Variants in IGSF9B observed in about 807,000 individuals in gnomAD.
The protein encoded by IGSF9B is protein turtle homolog B.
Under a neutral mutation model 143.7 loss-of-function variants are expected in IGSF9B, and 48 were observed. That is an observed-to-expected ratio of 0.33 (90% CI 0.26 to 0.42). The LOEUF (loss-of-function observed/expected upper bound fraction) is 0.42, where lower values mean the gene tolerates loss of function less well. Ranked by LOEUF, IGSF9B falls within the 20% of genes least tolerant of loss-of-function variation. The probability of loss-of-function intolerance (pLI) is 1.00; values close to 1 mark genes in which losing one functional copy is unlikely to be tolerated. For synonymous variants in IGSF9B, 903 were observed against 833.1 expected (o/e 1.08, Z -1.44); for missense variants, 1,706 against 1,980.0 (o/e 0.86, Z 2.63).
intron 1 of IGSF9B, among the ~76,000 whole-genome samples, chr11:133,952,633 C>A (rs374911111): frequency 2.0e-5 from 3 of 150,978 alleles, no homozygotes; most frequent in African/African-American, 5.0e-5. Flanking sequence ...TGCATGCACA[C>A]GTATGGGCAC....
intron 7 of IGSF9B, among the ~76,000 whole-genome samples, chr11:133,933,492 T>C (rs1939770444): frequency 6.6e-6 from 1 of 152,198 alleles, no homozygotes; most frequent in Non-Finnish European, 1.5e-5. Context: ...ACACCTGTAA[T>C]CTCAACACTT....
intron 18 of IGSF9B, among the ~76,000 whole-genome samples, chr11:133,918,454 CACGAT>C (rs939872711): frequency 1.2e-4 from 18 of 152,100 alleles, no homozygotes; most frequent in African/African-American, 4.3e-4. Flanking sequence ...GAGACCCAGA[CACGAT>C]GGAAGGAAGC....
At position 133,945,294 on chromosome 11, in the gene IGSF9B, A is replaced by G. The variant is rs186849242; in HGVS notation, c.262+767T>C. On this transcript the variant is annotated intron_variant, in intron 2 of 19. Transcript: ENST00000533871. This position sits in a 1 kb window ranked among gnomAD's most constrained non-coding sequence, Gnocchi z 4.6. Reference sequence around the variant, plus strand: ...GACTCTCAAAGCCAACCCTGGCCAAAAAGAGAGCATGAGACATGGGCACAG... The same window carrying G: ...GACTCTCAAAGCCAACCCTGGCCAAGAAGAGAGCATGAGACATGGGCACAG... Among the ~76,000 whole-genome samples the G allele has an allele frequency of 1.9e-4, 29 of 152,330 alleles. 1 individual carries two copies. Among genetic ancestry groups the G allele is most frequent in the Admixed American group, 1.8e-3 (27 of 15,306 alleles).
At position 133,948,081 on chromosome 11, in the gene IGSF9B, GTGTGTGTGTC is replaced by G. The variant is rs1203063224; in HGVS notation, c.65-1833_65-1824del. Among the ~76,000 whole-genome samples the G allele has an allele frequency of 3.7e-5, 4 of 108,058 alleles. No individual in the cohort carries two copies. The highest frequency in any genetic ancestry group is 9.5e-5 in the Admixed American group (1 of 10,554). 70.9% of individuals were successfully genotyped at this position (108,058 alleles called of 152,430 possible). ...CGTGTGTGTGTGTGTGTGTGTGTGT[GTGTGTGTGTC>G]TGTGTGTGTTTCGGTTGGCTCATGC... On this transcript the variant is annotated intron_variant, in intron 1 of 19. Coordinates refer to ENST00000533871, the MANE Select transcript of IGSF9B (RefSeq NM_001277285.4). This position sits in a 1 kb window ranked among gnomAD's most constrained non-coding sequence, Gnocchi z 4.7.
In IGSF9B at chr11:133,931,703, G is replaced by A. The variant is rs779393086; in HGVS notation, c.1203C>T (p.Asn401=). ...ALGTYTCVPY[N]TLGTMGQSAP... ...CAGACTGGCCCATGGTCCCCAGAGT[G>A]TTGTAAGGCACACAGGTATAAGTGC... The change falls in exon 9 of 20, where the codon AAC becomes AAT. Residue 401 remains asparagine, a synonymous_variant. Coordinates refer to ENST00000533871, the MANE Select transcript of IGSF9B (RefSeq NM_001277285.4). The surrounding 1 kb of genome is among the most constrained non-coding windows in gnomAD (Gnocchi z 7.7). 1 of 1,612,486 alleles carries A rather than the reference G, an allele frequency of 6.2e-7. No homozygotes were observed. Among genetic ancestry groups the A allele is most frequent in the South Asian group, 1.1e-5 (1 of 90,954 alleles).
At position 133,932,052 on chromosome 11, in the gene IGSF9B, A is replaced by G; in HGVS notation, c.1110+19T>C. 2 of 1,601,080 alleles carry G rather than the reference A, an allele frequency of 1.2e-6. No individual in the cohort carries two copies. Among genetic ancestry groups the G allele is most frequent in the Non-Finnish European group, 1.7e-6 (2 of 1,170,976 alleles). On this transcript the variant is annotated intron_variant, in intron 8 of 19. Transcript: ENST00000533871. ...GGGGGAGCCCTCACTCCAACCCTCA[A>G]CATGCATCTCTCTAGCACCTTCTCA...
At position 133,896,852 on chromosome 11, in the gene IGSF9B, A is replaced by C. The variant is rs1267140524; in HGVS notation, c.*12217T>G. 5 of 152,374 alleles carry C rather than the reference A, an allele frequency of 3.3e-5. No individual in the cohort carries two copies. Among genetic ancestry groups the C allele is most frequent in the African/African-American group, 1.2e-4 (5 of 41,452 alleles). The allele number at this position is 152,374 out of a possible 1,614,324, so 9.4% of individuals were successfully genotyped here. On this transcript the variant is annotated 3_prime_UTR_variant, in exon 20 of 20. Coordinates refer to ENST00000533871, the MANE Select transcript of IGSF9B (RefSeq NM_001277285.4). ...GATCACCATCATCAGCAGCCAGGGC[A>C]GGCGTCTATTGCTTAGGGCCGTAGA...
At chr11:133,947,188 G>T (rs1312926381) in intron 1 of IGSF9B, among the ~76,000 whole-genome samples, 3 of 152,164 alleles carry the variant, frequency 2.0e-5, no homozygotes, top group Non-Finnish European at 4.4e-5. Context: ...CAGAGAGGAA[G>T]AGCCACGCAC....
rs1012791274 is a variant in IGSF9B at position 133,913,329 on chromosome 11, A to G, written c.3984-1322T>C. Among the ~76,000 whole-genome samples the G allele has an allele frequency of 2.6e-5, 4 of 152,198 alleles. No individual in the cohort carries two copies. Among genetic ancestry groups the G allele is most frequent in the Non-Finnish European group, 5.9e-5 (4 of 68,032 alleles). ...GGTCAGCAAGCGGTCTGAGGTTAAA[A>G]AAAAAAATGTTAAGAGGGATAGGAA... On this transcript the variant is annotated intron_variant, in intron 18 of 19. Transcript: ENST00000533871. The surrounding 1 kb of genome is among the most constrained non-coding windows in gnomAD (Gnocchi z 4.6).
In IGSF9B at chr11:133,901,859, C is replaced by T. The variant is rs899271474; in HGVS notation, c.*7210G>A. ...ACACACACACCACACACGCACCACA[C>T]ACGCACCACACACGCACCACACACA... On this transcript the variant is annotated 3_prime_UTR_variant, in exon 20 of 20. Transcript: ENST00000533871. Among the ~76,000 whole-genome samples the T allele has an allele frequency of 1.6e-4, 23 of 146,336 alleles. No individual in the cohort carries two copies. Among genetic ancestry groups the T allele is most frequent in the African/African-American group, 5.8e-4 (23 of 39,426 alleles).
Position 133,920,497 on chromosome 11 carries a change from G to A in IGSF9B, c.3228C>T (p.Leu1076=). The A allele has an allele frequency of 6.3e-7, 1 of 1,584,930 alleles. No homozygotes were observed. Among genetic ancestry groups the A allele is most frequent in the Non-Finnish European group, 8.6e-7 (1 of 1,164,746 alleles). The stretch of plus-strand genomic sequence containing the variant: ...GGGAGGTGGGGGGCAGTCCTCGGGG[G>A]AGGCCGGCCTTGGGCTGCAGACTCT... ...VPESLQPKAG[L]PRGLPPTSLQ... The change falls in exon 18 of 20, where the codon CTC becomes CTT. Residue 1076 remains leucine, a synonymous_variant. Transcript: ENST00000533871.
chr11:133,944,966 G>A (rs564931028), intron 2 of IGSF9B, among the ~76,000 whole-genome samples: 10 of 152,246 alleles, frequency 6.6e-5, no homozygotes, highest in African/African-American at 2.4e-4. Context: ...AGTGACCCCA[G>A]GAGATGAGGG....
intron 1 of IGSF9B, among the ~76,000 whole-genome samples, chr11:133,951,177 C>T (rs1225783118): frequency 1.3e-5 from 2 of 152,120 alleles, no homozygotes; most frequent in East Asian, 1.9e-4. Flanking sequence ...GACGAGGCGG[C>T]GGGGGAGAGA....
Position 133,921,037 on chromosome 11 carries a change from G to A in IGSF9B, c.2688C>T (p.Asn896=), listed in dbSNP as rs749283493. 38 of 1,613,592 alleles carry A rather than the reference G, an allele frequency of 2.4e-5. No individual in the cohort carries two copies. Among genetic ancestry groups the A allele is most frequent in the Middle Eastern group, 3.3e-4 (2 of 6,084 alleles). ...YPEFRQSDEE[N]EDPLVPTSVA... ...CAGATGTGGGCACCAGTGGGTCCTCGTTCTCCTCGTCCGACTGGCGGAACT... is the reference window on the plus strand; with the variant it reads ...CAGATGTGGGCACCAGTGGGTCCTCATTCTCCTCGTCCGACTGGCGGAACT... Residue 896 remains asparagine (N), a synonymous_variant, in exon 18 of 20, where the codon AAC becomes AAT. Transcript: ENST00000533871.
chr11:133,931,952 G>C lies in IGSF9B; in HGVS notation c.1110+119C>G, dbSNP rs371749348. 4.0e-6 allele frequency: 6 copies of C among 1,494,518 alleles called. No homozygotes were observed. In the South Asian group the frequency reaches 6.6e-5, roughly 16 times the overall value. 92.6% of individuals were successfully genotyped at this position (1,494,518 alleles called of 1,614,324 possible). Reference sequence around the variant, plus strand: ...CAGACCCCTACAGAAGCAGCTCTCTGTTTGCCCAGGGCTTTTGGAAGGGGC... The same window carrying C: ...CAGACCCCTACAGAAGCAGCTCTCTCTTTGCCCAGGGCTTTTGGAAGGGGC... On this transcript the variant is annotated intron_variant, in intron 8 of 19. Transcript: ENST00000533871. The surrounding 1 kb of genome is among the most constrained non-coding windows in gnomAD (Gnocchi z 7.7).
At chr11:133,923,745 C>T (rs966826200) in intron 15 of IGSF9B, among the ~76,000 whole-genome samples, 7 of 152,246 alleles carry the variant, frequency 4.6e-5, no homozygotes, top group African/African-American at 1.7e-4. Flanking sequence ...GCTGCTGCCT[C>T]CTCCTTCCCC....
rs1233430994 is a variant in IGSF9B, at chr11:133,919,813, C to A, written c.3912G>T (p.Thr1304=). ...CCTCCCCCGTCCTTCGAGGGGAAGG[C>A]GTCTGTCCAAACACGTCCAAGCTGT... ...PGDSLDVFGQ[T]PSPRRTGEEL... is the part of the protein sequence containing the mutation. The change falls in exon 18 of 20, where the codon ACG becomes ACT. Residue 1304 remains threonine, a synonymous_variant. Transcript: ENST00000533871. The A allele has an allele frequency of 1.3e-6, 2 of 1,526,304 alleles. No individual in the cohort carries two copies. The highest frequency in any genetic ancestry group is 2.8e-5 in the African/African-American group (2 of 71,894). 94.5% of individuals were successfully genotyped at this position (1,526,304 alleles called of 1,614,324 possible).
rs766563101 is a variant in IGSF9B, at chr11:133,907,681, CTT to C, written c.*1386_*1387del. Among the ~76,000 whole-genome samples the C allele has an allele frequency of 2.5e-4, 38 of 152,324 alleles. No individual in the cohort carries two copies. Among genetic ancestry groups the C allele is most frequent in the South Asian group, 6.2e-4 (3 of 4,822 alleles). On this transcript the variant is annotated 3_prime_UTR_variant, in exon 20 of 20. Transcript: ENST00000533871. ...GCTACGAGTTTGAACCAGGACCAGA[CTT>C]TGGCAGAGGAAGAGTCAGTGCCCAG...
rs528900214 is a variant in IGSF9B at position 133,931,884 on chromosome 11, G to A, written c.1111-89C>T. The stretch of plus-strand genomic sequence containing the variant: ...GGGTCCCAGCTGGGCCAGGCAGCAC[G>A]CAGGATAGTACAGGAGCTCCAGCCC... On this transcript the variant is annotated intron_variant, in intron 8 of 19. Transcript: ENST00000533871. This position sits in a 1 kb window ranked among gnomAD's most constrained non-coding sequence, Gnocchi z 7.7. 1.0e-5 allele frequency: 16 copies of A among 1,558,974 alleles called. No homozygotes were observed. The highest frequency in any genetic ancestry group is 2.3e-5 in the East Asian group (1 of 43,546).
Sources: allele counts gnomAD v4.1 joint callset (sites outside exome capture counted in the v4.1 genomes callset), GRCh38; gene constraint gnomAD v4.1.1; non-coding constraint Gnocchi (gnomAD v3.1); transcripts MANE v1.5; gene names NCBI Gene and HGNC (gene_info 2026-07-23, HGNC 2026-07-21).